The following ARHGAP28 variants were observed in gnomAD, a reference collection of about 807,000 sequenced individuals.
The protein encoded by ARHGAP28 is Rho GTPase activating protein 28.
A neutral mutation model predicts 90.7 loss-of-function variants in ARHGAP28; 56 were observed. The observed-to-expected ratio is 0.62, with a 90% confidence interval of 0.50 to 0.77. The LOEUF is 0.77. Among genes scored for constraint, ARHGAP28 ranks in the 30% least tolerant of loss-of-function variants. The pLI, the probability that ARHGAP28 is intolerant of heterozygous loss-of-function variation, is 0.00. For missense variants in ARHGAP28, 869 were observed against 900.9 expected (o/e 0.96, Z 0.45); for synonymous variants, 308 against 323.3 (o/e 0.95, Z 0.51).
chr18:6,763,200 A>G, intron 1 of ARHGAP28, among the ~76,000 whole-genome samples: 1 of 152,080 alleles, frequency 6.6e-6, no homozygotes, highest in South Asian at 2.1e-4. Context: ...CTCCTGCCTC[A>G]GCCTCCTGAG....
At chr18:6,838,145 C>G (rs1220586144) in intron 3 of ARHGAP28, among the ~76,000 whole-genome samples, 1 of 152,196 alleles carries the variant, frequency 6.6e-6, no homozygotes, top group African/African-American at 2.4e-5. Context: ...GATGCATTAT[C>G]TGCGCAAGAT....
intron 14 of ARHGAP28, among the ~76,000 whole-genome samples, chr18:6,893,403 C>T (rs1012679258): frequency 6.6e-5 from 10 of 152,200 alleles, no homozygotes; most frequent in Non-Finnish European, 4.4e-5. Flanking sequence ...CTTAAGCACT[C>T]CCCTAGTTGA....
intron 2 of ARHGAP28, among the ~76,000 whole-genome samples, chr18:6,827,441 G>T (rs1223168494): frequency 7.0e-6 from 1 of 142,044 alleles, no homozygotes; most frequent in Non-Finnish European, 1.5e-5. Flanking sequence ...CCTCCCGGAC[G>T]GGGCGGCTGG....
At chr18:6,867,157 A>G (rs1370931872) in intron 5 of ARHGAP28, among the ~76,000 whole-genome samples, 1 of 152,182 alleles carries the variant, frequency 6.6e-6, no homozygotes, top group Non-Finnish European at 1.5e-5. Flanking sequence ...CATTTACACA[A>G]TTATAATTGT....
chr18:6,844,685 G>A (rs2056853118), intron 3 of ARHGAP28, among the ~76,000 whole-genome samples: 1 of 152,080 alleles, frequency 6.6e-6, no homozygotes, highest in Admixed American at 6.5e-5. Flanking sequence ...TGGATAAAGA[G>A]GAGGTATTAT....
intron 3 of ARHGAP28, among the ~76,000 whole-genome samples, chr18:6,837,801 G>C (rs1031170578): frequency 6.6e-6 from 1 of 152,092 alleles, no homozygotes; most frequent in South Asian, 2.1e-4. Flanking sequence ...TGGTTGAATG[G>C]GGGGTGGGGA....
intron 2 of ARHGAP28, among the ~76,000 whole-genome samples, chr18:6,834,707 C>T (rs558665321): frequency 6.6e-5 from 10 of 152,140 alleles, no homozygotes; most frequent in African/African-American, 2.2e-4. Flanking sequence ...ACCAGGGTCA[C>T]GGCAGAAGAG....
chr18:6,807,756 C>T (rs2056529260), intron 1 of ARHGAP28, among the ~76,000 whole-genome samples: 1 of 152,162 alleles, frequency 6.6e-6, no homozygotes, highest in Non-Finnish European at 1.5e-5. Flanking sequence ...GACGGGGCTC[C>T]TCTGAGGAGC....
intron 1 of ARHGAP28, among the ~76,000 whole-genome samples, chr18:6,758,066 C>T (rs750416814): frequency 2.8e-4 from 43 of 152,124 alleles, no homozygotes; most frequent in Non-Finnish European, 5.4e-4. Flanking sequence ...TAGCTATTTC[C>T]CAAGTTTATT....
intron 1 of ARHGAP28, among the ~76,000 whole-genome samples, chr18:6,799,583 C>T (rs1391776213): frequency 6.6e-6 from 1 of 152,162 alleles, no homozygotes; most frequent in Non-Finnish European, 1.5e-5. Context: ...CGCCGCATAT[C>T]TACAACCATC....
At chr18:6,890,175 T>G (rs2057253775) in intron 13 of ARHGAP28, 90 bp downstream of exon 13, 1 of 1,431,282 alleles carries the variant, frequency 7.0e-7, no homozygotes, top group East Asian at 2.3e-5. Flanking sequence ...CCCTTGGTCA[T>G]AGGGAAGAAA....
At chr18:6,898,500 G>C (rs754861975) in intron 16 of ARHGAP28, 21 of 1,614,102 alleles carry the variant, frequency 1.3e-5, no homozygotes, top group Admixed American at 3.3e-5. Context: ...AAAAGAAAGA[G>C]AAGAGTCGAC....
At chr18:6,768,781 T>C in intron 1 of ARHGAP28, among the ~76,000 whole-genome samples, 1 of 152,064 alleles carries the variant, frequency 6.6e-6, no homozygotes, top group East Asian at 1.9e-4. Flanking sequence ...CTTAACTCAG[T>C]GAGACCCCAG....
chr18:6,823,320 T>C (rs2056638518), intron 1 of ARHGAP28, among the ~76,000 whole-genome samples: 1 of 152,086 alleles, frequency 6.6e-6, no homozygotes, highest in African/African-American at 2.4e-5. Context: ...ATTCGTCTTT[T>C]TGTGAGTGGC....
chr18:6,800,656 C>G (rs1424117323), intron 1 of ARHGAP28, among the ~76,000 whole-genome samples: 1 of 151,952 alleles, frequency 6.6e-6, no homozygotes, highest in Non-Finnish European at 1.5e-5. Flanking sequence ...GGGAGTCGAA[C>G]AATAAGAACA....
chr18:6,828,084 T>A (rs2056687028), intron 2 of ARHGAP28, among the ~76,000 whole-genome samples: 2 of 152,144 alleles, frequency 1.3e-5, no homozygotes, highest in Middle Eastern at 3.4e-3. Flanking sequence ...TTAACGAGAC[T>A]CCGTCTGCAA....
chr18:6,908,019 A>G (rs1405891669), intron 16 of ARHGAP28, among the ~76,000 whole-genome samples: 2 of 152,376 alleles, frequency 1.3e-5, no homozygotes, highest in East Asian at 3.9e-4. Flanking sequence ...AGCGATGGTC[A>G]TTCAGACTCT....
At chr18:6,797,233 C>G (rs929312674) in intron 1 of ARHGAP28, among the ~76,000 whole-genome samples, 16 of 152,120 alleles carry the variant, frequency 1.1e-4, no homozygotes, top group African/African-American at 3.9e-4. Flanking sequence ...CAGTAACTCC[C>G]CACCTGAAGC....
chr18:6,730,005 C>G (rs1303249643), intron 1 of ARHGAP28, 62 bp downstream of exon 1: 1 of 1,287,252 alleles, frequency 7.8e-7, no homozygotes, highest in Non-Finnish European at 9.8e-7. Context: ...GTTCGCCGTG[C>G]AGCTGCGCCT....
Sources: gnomAD v4.1 joint callset for allele counts (sites outside exome capture counted in the v4.1 genomes callset) on GRCh38, gnomAD v4.1.1 for gene constraint, MANE v1.5 for transcripts, NCBI Gene and HGNC (gene_info 2026-07-23, HGNC 2026-07-21) for gene names.